The following PARPBP variants were observed in gnomAD, a reference collection of about 807,000 sequenced individuals.
PARPBP encodes PCNA-interacting partner.
PARPBP carries 52 observed loss-of-function variants against 50.0 expected under a neutral mutation model. The observed-to-expected ratio is 1.04, with a 90% confidence interval of 0.83 to 1.31. The LOEUF is 1.31. PARPBP is among the 50% of genes most tolerant of loss of function. The probability of loss-of-function intolerance (pLI) is 0.00; values close to 1 mark genes in which losing one functional copy is unlikely to be tolerated. For missense variants in PARPBP, 697 were observed against 672.0 expected, an observed-to-expected ratio of 1.04 and a Z score of -0.41; for synonymous variants, 244 against 232.1, an observed-to-expected ratio of 1.05 and a Z score of -0.47.
At chr12:102,191,327 A>G (rs963962576) in intron 9 of PARPBP, among the ~76,000 whole-genome samples, 1 of 152,204 alleles carries the variant, frequency 6.6e-6, no homozygotes, top group Non-Finnish European at 1.5e-5. Flanking sequence ...AGCAGAGTAA[A>G]TGGAATTTCA....
At chr12:102,146,833 A>G (rs867584489) in intron 2 of PARPBP, among the ~76,000 whole-genome samples, 6 of 152,370 alleles carry the variant, frequency 3.9e-5, no homozygotes, top group Middle Eastern at 6.8e-3. Context: ...CAAAGGGCTA[A>G]TATCCAGAGT....
chr12:102,151,483 G>C, intron 3 of PARPBP: 1 of 845,210 alleles, frequency 1.2e-6, no homozygotes, highest in Admixed American at 2.2e-5. Context: ...CGGCTGCTGG[G>C]AGATGCATCA....
chr12:102,157,162 G>GTCTCTTGTAAT (rs1255946495), intron 4 of PARPBP, among the ~76,000 whole-genome samples: 2 of 151,168 alleles, frequency 1.3e-5, no homozygotes, highest in Admixed American at 1.3e-4. Context: ...ACTCTTGTAT[G>GTCTCTTGTAAT]TCTCTTGTAA....
rs1302534254 is a variant in PARPBP at position 102,197,342 on chromosome 12, G to A, written c.*1051G>A. ...GAGAAAAAACACTTTCAGATAAGAG[G>A]TGTTTGCTGGGATGGAAGAACTACC... On this transcript the variant is annotated 3_prime_UTR_variant, in exon 11 of 11. Transcript: ENST00000327680. The A allele has an allele frequency of 1.2e-5, 10 of 800,440 alleles. No individual in the cohort carries two copies. The highest frequency in any genetic ancestry group is 2.6e-5 in the East Asian group (1 of 37,774). The allele number at this position is 800,440 out of a possible 1,614,324, so 49.6% of individuals were successfully genotyped here.
chr12:102,164,806 TC>T, intron 5 of PARPBP, 198 bp downstream of exon 5: 1 of 597,910 alleles, frequency 1.7e-6, no homozygotes, highest in Non-Finnish European at 3.0e-6. Flanking sequence ...AAGCAGTGTT[TC>T]CTTACATATG....
In PARPBP at chr12:102,165,715, G is replaced by A. The variant is rs779312390; in HGVS notation, c.667-14G>A. 6.3e-6 allele frequency: 10 copies of A among 1,590,202 alleles called. No individual in the cohort carries two copies. Among genetic ancestry groups the A allele is most frequent in the Non-Finnish European group, 7.7e-6 (9 of 1,166,270 alleles). On this transcript the variant is annotated splice_polypyrimidine_tract_variant and intron_variant, in intron 5 of 10. Transcript: ENST00000327680. ...ATCACTGGACATAACTTATCCGTTT[G>A]TTTTAATTCATAGGTGGCCACGTCT... is the stretch of plus-strand genomic sequence containing the variant.
intron 9 of PARPBP, among the ~76,000 whole-genome samples, chr12:102,194,701 A>C: frequency 6.6e-6 from 1 of 151,900 alleles, no homozygotes; most frequent in Middle Eastern, 3.2e-3. Context: ...CACTTGGTCA[A>C]ATCTTTCTAG....
At chr12:102,159,882 A>G (rs1594553771) in intron 4 of PARPBP, among the ~76,000 whole-genome samples, 1 of 152,272 alleles carries the variant, frequency 6.6e-6, no homozygotes, top group South Asian at 2.1e-4. Flanking sequence ...AAGAAGAGAT[A>G]GGAAAAGAAA....
intron 2 of PARPBP, among the ~76,000 whole-genome samples, chr12:102,127,161 A>T (rs1882126526): frequency 6.6e-6 from 1 of 152,140 alleles, no homozygotes; most frequent in Non-Finnish European, 1.5e-5. Flanking sequence ...CTGAGAGTCC[A>T]TGATGGGCAG....
At chr12:102,131,628 G>A (rs1295143229) in intron 2 of PARPBP, among the ~76,000 whole-genome samples, 1 of 152,112 alleles carries the variant, frequency 6.6e-6, no homozygotes, top group African/African-American at 2.4e-5. Context: ...AGAAAATGTG[G>A]TACATATACA....
rs577715277 is a variant in PARPBP, at chr12:102,148,080, A to G, written c.154-150A>G. 1.1e-3 allele frequency: 487 copies of G among 431,898 alleles called. 2 individuals carry two copies. The highest frequency in any genetic ancestry group is 1.7e-3 in the Non-Finnish European group (426 of 246,120). 26.8% of individuals were successfully genotyped at this position (431,898 alleles called of 1,614,324 possible). On this transcript the variant is annotated intron_variant, in intron 2 of 10. Transcript: ENST00000327680. ...TATATCTGGTTTCCAAAATTGTCTC[A>G]TAGTTCAACTTGGGTGTTCTCTTCA... is the stretch of plus-strand genomic sequence containing the variant.
intron 6 of PARPBP, among the ~76,000 whole-genome samples, chr12:102,172,277 C>T (rs1446109897): frequency 6.6e-6 from 1 of 152,220 alleles, no homozygotes; most frequent in South Asian, 2.1e-4. Flanking sequence ...CTGGGAAGCA[C>T]TCCTGAATAC....
In PARPBP at chr12:102,189,340, C is replaced by T. The variant is rs575297297; in HGVS notation, c.1264-5972C>T. 1.6e-4 allele frequency among the ~76,000 whole-genome samples: 25 copies of T among 152,300 alleles called. No individual in the cohort carries two copies. In the South Asian group the frequency reaches 4.6e-3, roughly 28 times the overall value. On this transcript the variant is annotated intron_variant, in intron 9 of 10. Transcript: ENST00000327680. ...AGGGCATAGACTGTAAAGCTTTGTT[C>T]TAGAGCAGTGCTCTCCAGTAGAACT... is the stretch of plus-strand genomic sequence containing the variant.
At chr12:102,171,372 G>A (rs1888712459) in intron 6 of PARPBP, among the ~76,000 whole-genome samples, 1 of 152,052 alleles carries the variant, frequency 6.6e-6, no homozygotes, top group Admixed American at 6.6e-5. Flanking sequence ...ATGCTACGAT[G>A]TTACATCACT....
At chr12:102,141,280 GTT>G (rs1470926199) in intron 2 of PARPBP, among the ~76,000 whole-genome samples, 3 of 151,682 alleles carry the variant, frequency 2.0e-5, no homozygotes, top group Non-Finnish European at 4.4e-5. Context: ...TTTAAAGTCT[GTT>G]TTATCAGAGA....
intron 6 of PARPBP, among the ~76,000 whole-genome samples, chr12:102,174,803 T>A (rs1889095777): frequency 6.6e-6 from 1 of 152,254 alleles, no homozygotes; most frequent in African/African-American, 2.4e-5. Context: ...AGGTGTGGTA[T>A]AAAGAAATAT....
At chr12:102,178,891 T>G in intron 8 of PARPBP, 121 bp downstream of exon 8, 1 of 597,246 alleles carries the variant, frequency 1.7e-6, no homozygotes, top group Non-Finnish European at 2.8e-6. Flanking sequence ...AAATAAAAGT[T>G]AATTAAAGGG....
rs147420363 is a variant in PARPBP, at chr12:102,150,005, C to T, written c.387+1542C>T. On this transcript the variant is annotated intron_variant, in intron 3 of 10. Transcript: ENST00000327680. Reference sequence around the variant, plus strand: ...GTATAATCTACCTGAGGTCTTTGGGCGCATTGTTTTCCTTCTATTCCTCGC... The same window carrying T: ...GTATAATCTACCTGAGGTCTTTGGGTGCATTGTTTTCCTTCTATTCCTCGC... 5.9e-3 allele frequency among the ~76,000 whole-genome samples: 903 copies of T among 152,194 alleles called. 11 individuals are homozygous for T. The highest frequency in any genetic ancestry group is 0.02 in the African/African-American group (845 of 41,494).
At chr12:102,178,906 T>A (rs183236577) in intron 8 of PARPBP, 136 bp downstream of exon 8, 4 of 533,408 alleles carry the variant, frequency 7.5e-6, no homozygotes, top group African/African-American at 5.8e-5. Flanking sequence ...AAAGGGAGAT[T>A]GAACATTTGA....
Sources: allele counts gnomAD v4.1 joint callset (sites outside exome capture counted in the v4.1 genomes callset), GRCh38; gene constraint gnomAD v4.1.1; transcripts MANE v1.5; gene names NCBI Gene and HGNC (gene_info 2026-07-23, HGNC 2026-07-21).